Variants in STK3 observed in about 807,000 individuals in gnomAD.
STK3 encodes the protein serine/threonine kinase 3.
STK3 carries 41 observed loss-of-function variants against 58.0 expected under a neutral mutation model. The observed-to-expected ratio is 0.71, with a 90% CI of 0.55 to 0.92. STK3 has a LOEUF of 0.92. STK3 is among the 40% of genes least tolerant of loss of function. The pLI, the probability that STK3 is intolerant of heterozygous loss-of-function variation, is 0.00. For synonymous variants in STK3, 170 were observed against 191.0 expected, an observed-to-expected ratio of 0.89 and a Z score of 0.91; for missense variants, 479 against 602.7, an observed-to-expected ratio of 0.79 and a Z score of 2.15.
At chr8:98,386,877 G>A (rs1037661252) in intron 1 of STK3, among the ~76,000 whole-genome samples, 3 of 152,276 alleles carry the variant, frequency 2.0e-5, no homozygotes, top group African/African-American at 4.8e-5. Context: ...AGAATTGCAC[G>A]AACCCCGGAG....
At chr8:98,432,403 G>C (rs764271962) in intron 3 of STK3, 1 of 167,124 alleles carries the variant, frequency 6.0e-6, no homozygotes, top group African/African-American at 2.4e-5. Flanking sequence ...CATTTTGGAA[G>C]TGCTGGGTTG....
chr8:98,663,909 A>C (rs898212051), intron 6 of STK3, among the ~76,000 whole-genome samples: 2 of 152,196 alleles, frequency 1.3e-5, no homozygotes, highest in African/African-American at 4.8e-5. Flanking sequence ...CCTTATATAT[A>C]AAATACAGCA....
At chr8:98,634,411 G>C (rs1819483859) in intron 6 of STK3, among the ~76,000 whole-genome samples, 1 of 151,652 alleles carries the variant, frequency 6.6e-6, no homozygotes. Flanking sequence ...GAGGTGGGAG[G>C]ATCACTTGAA....
chr8:98,730,085 T>C (rs2131239867), intron 4 of STK3, among the ~76,000 whole-genome samples: 1 of 152,372 alleles, frequency 6.6e-6, no homozygotes, highest in South Asian at 2.1e-4. Context: ...ATTTCTGTTG[T>C]TATTTTATCT....
At chr8:98,861,778 T>TG (rs1378909396) in intron 3 of STK3, among the ~76,000 whole-genome samples, 1 of 152,216 alleles carries the variant, frequency 6.6e-6, no homozygotes, top group Non-Finnish European at 1.5e-5. Flanking sequence ...ATGAGGCACT[T>TG]GCAGCTTTTG....
chr8:98,899,400 AAT>A (rs1306918274), intron 1 of STK3, among the ~76,000 whole-genome samples: 2 of 152,156 alleles, frequency 1.3e-5, no homozygotes, highest in African/African-American at 4.8e-5. Flanking sequence ...TCAGATCAAA[AAT>A]ATCTGGAAAA....
intron 3 of STK3, among the ~76,000 whole-genome samples, chr8:98,850,305 C>T (rs1398236763): frequency 4.6e-5 from 7 of 152,186 alleles, no homozygotes; most frequent in Admixed American, 4.6e-4. Flanking sequence ...TCCTAAGTAG[C>T]TGGGACTACA....
intron 1 of STK3, among the ~76,000 whole-genome samples, chr8:98,824,891 G>A (rs972521022): frequency 1.1e-4 from 16 of 152,216 alleles, no homozygotes; most frequent in African/African-American, 3.4e-4. Flanking sequence ...CTTGGGGAGA[G>A]AGGAATACAT....
At chr8:98,739,599 C>G (rs1361532941) in intron 4 of STK3, among the ~76,000 whole-genome samples, 1 of 146,876 alleles carries the variant, frequency 6.8e-6, no homozygotes, top group Non-Finnish European at 1.5e-5. Context: ...ATCTGTACAT[C>G]ACCATCATCA....
At chr8:98,818,124 T>G (rs1266103399) in intron 1 of STK3, among the ~76,000 whole-genome samples, 2 of 152,244 alleles carry the variant, frequency 1.3e-5, no homozygotes, top group Admixed American at 6.5e-5. Flanking sequence ...CCCTTGCTAC[T>G]CACATGGATA....
the STK3 span, among the ~76,000 whole-genome samples, chr8:98,352,135 T>TAAA: frequency 2.8e-5 from 1 of 35,406 alleles, no homozygotes; most frequent in South Asian, 6.6e-4. Flanking sequence ...AGACTCTGTC[T>TAAA]CAAAAAAAAA....
intron 4 of STK3, among the ~76,000 whole-genome samples, chr8:98,712,588 C>A (rs1321046555): frequency 5.3e-5 from 8 of 151,764 alleles, no homozygotes; most frequent in East Asian, 1.9e-4. Context: ...AGCTAACTAT[C>A]CTAAATATAT....
chr8:98,888,636 G>A (rs2131916561), intron 1 of STK3, among the ~76,000 whole-genome samples: 1 of 152,306 alleles, frequency 6.6e-6, no homozygotes, highest in East Asian at 1.9e-4. Context: ...CCTCCTGAGG[G>A]TCCCACATCC....
chr8:98,628,079 A>G (rs767414735), intron 6 of STK3, among the ~76,000 whole-genome samples: 8 of 152,216 alleles, frequency 5.3e-5, no homozygotes, highest in Non-Finnish European at 1.0e-4. Context: ...TTTCTCCTTT[A>G]ATATCTGTTT....
intron 1 of STK3, among the ~76,000 whole-genome samples, chr8:98,891,987 G>T (rs1312030565): frequency 6.6e-6 from 1 of 152,098 alleles, no homozygotes; most frequent in Non-Finnish European, 1.5e-5. Context: ...GTAAAAATGA[G>T]TGCCAGAGCC....
intron 4 of STK3, among the ~76,000 whole-genome samples, chr8:98,744,672 T>C (rs927459229): frequency 3.3e-5 from 5 of 151,634 alleles, no homozygotes; most frequent in African/African-American, 1.2e-4. Context: ...GCATGGCACA[T>C]GTATACATAT....
intron 4 of STK3, among the ~76,000 whole-genome samples, chr8:98,738,241 A>G (rs1350907373): frequency 6.6e-6 from 1 of 151,968 alleles, no homozygotes; most frequent in African/African-American, 2.4e-5. Flanking sequence ...ACTTTAGATG[A>G]CCGGGTGGAT....
intron 4 of STK3, among the ~76,000 whole-genome samples, chr8:98,737,456 C>T (rs1828696838): frequency 1.3e-5 from 2 of 151,968 alleles, no homozygotes; most frequent in African/African-American, 4.8e-5. Flanking sequence ...GGATTATTAA[C>T]TGGATTACAA....
chr8:98,442,511 G>T (rs1324140089), intron 1 of STK3, among the ~76,000 whole-genome samples: 2 of 152,216 alleles, frequency 1.3e-5, no homozygotes, highest in Non-Finnish European at 2.9e-5. Context: ...TTTACATTAT[G>T]GTTTTAGGGA....
Sources: gnomAD v4.1 joint callset for allele counts (sites outside exome capture counted in the v4.1 genomes callset) on GRCh38, gnomAD v4.1.1 for gene constraint, MANE v1.5 for transcripts, NCBI Gene and HGNC (gene_info 2026-07-23, HGNC 2026-07-21) for gene names.